LTBP1: variants seen among roughly 807,000 people sequenced by gnomAD.
LTBP1 encodes latent transforming growth factor beta binding protein 1, also known as latent-transforming growth factor beta-binding protein 1.
A neutral mutation model predicts 207.6 loss-of-function variants in LTBP1; 129 were observed. That is an observed-to-expected ratio of 0.62 (90% CI 0.54 to 0.72). LTBP1 has a LOEUF of 0.72. LTBP1 is among the 30% of genes least tolerant of loss of function. The probability of loss-of-function intolerance (pLI) is 0.00; values close to 1 mark genes in which losing one functional copy is unlikely to be tolerated. For missense variants in LTBP1, 2,281 were observed against 2,217.2 expected, an observed-to-expected ratio of 1.03 and a Z score of -0.58; for synonymous variants, 963 against 833.7, an observed-to-expected ratio of 1.16 and a Z score of -2.67.
At chr2:33,354,489 T>A (rs1424151952) in intron 26 of LTBP1, among the ~76,000 whole-genome samples, 2 of 152,022 alleles carry the variant, frequency 1.3e-5, no homozygotes, top group African/African-American at 2.4e-5. Flanking sequence ...AAAAAAAAAA[T>A]ATCTAGTCAA....
chr2:33,291,500 C>G (rs560026617), intron 19 of LTBP1: 169 of 152,282 alleles, frequency 1.1e-3, no homozygotes, highest in African/African-American at 3.8e-3. Context: ...TACTTTGGCT[C>G]CAATGCTTGG....
In LTBP1 at chr2:33,110,659, T is replaced by C. The variant is rs748194686; in HGVS notation, c.941T>C (p.Phe314Ser). Residue 314 changes from phenylalanine (F) to serine (S), a missense_variant, in exon 4 of 34, where the codon TTT becomes TCT. Physicochemically the swap from Phe to Ser is radical, Grantham distance 155. Transcript: ENST00000404816. Reference sequence around the variant, plus strand: ...GAATACGTGCTCAAGCCCAAGTACTTTCCAGCCCAGAAGGGGATTTCAGGA... The same window carrying C: ...GAATACGTGCTCAAGCCCAAGTACTCTCCAGCCCAGAAGGGGATTTCAGGA... ...TQEYVLKPKY[F>S]PAQKGISGEQ... is the part of the protein sequence containing the mutation. 1.2e-6 allele frequency: 2 copies of C among 1,614,224 alleles called. No homozygotes were observed. The highest frequency in any genetic ancestry group is 1.7e-6 in the Non-Finnish European group (2 of 1,180,028).
intron 3 of LTBP1, among the ~76,000 whole-genome samples, chr2:33,039,830 T>A (rs752321226): frequency 4.6e-5 from 7 of 151,982 alleles, no homozygotes; most frequent in Non-Finnish European, 1.0e-4. Flanking sequence ...TGATAATGGG[T>A]TCGGAAAGGC....
intron 24 of LTBP1, among the ~76,000 whole-genome samples, 186 bp downstream of exon 24, chr2:33,315,455 A>G (rs2094255171): frequency 6.6e-6 from 1 of 152,210 alleles, no homozygotes; most frequent in African/African-American, 2.4e-5. Context: ...CGAAGAGGAT[A>G]ACCTAAGGTT....
At chr2:33,281,550 T>TTTAGGTGTTTTAATGGGGGTTGC (rs1281356375) in intron 19 of LTBP1, among the ~76,000 whole-genome samples, 4 of 151,988 alleles carry the variant, frequency 2.6e-5, no homozygotes, top group African/African-American at 9.7e-5. Context: ...TGGGAAGACA[T>TTTAGGTGTTTTAATGGGGGTTGC]TTAGGTGTTT....
At chr2:33,313,803 A>AGGAACTC (rs2094221608) in intron 23 of LTBP1, among the ~76,000 whole-genome samples, 3 of 152,204 alleles carry the variant, frequency 2.0e-5, no homozygotes, top group Admixed American at 2.0e-4. Flanking sequence ...AATAGGAGTC[A>AGGAACTC]GGAACTCAGA....
chr2:33,009,336 T>C (rs1464564939), intron 2 of LTBP1, among the ~76,000 whole-genome samples: 1 of 152,168 alleles, frequency 6.6e-6, no homozygotes, highest in African/African-American at 2.4e-5. Flanking sequence ...TGCCCTTCCC[T>C]GATTCACGTG....
chr2:33,076,876 A>G (rs1011796331), intron 3 of LTBP1, among the ~76,000 whole-genome samples: 1 of 152,140 alleles, frequency 6.6e-6, no homozygotes, highest in African/African-American at 2.4e-5. Flanking sequence ...TCAACTTCCA[A>G]GAGTTCTGTG....
intron 3 of LTBP1, among the ~76,000 whole-genome samples, chr2:33,070,489 T>G (rs531996568): frequency 6.6e-6 from 1 of 152,344 alleles, no homozygotes; most frequent in African/African-American, 2.4e-5. Context: ...TTAAGTTTCT[T>G]AAGTAATGTC....
At chr2:32,956,008 A>G (rs1284130406) in intron 2 of LTBP1, among the ~76,000 whole-genome samples, 1 of 152,204 alleles carries the variant, frequency 6.6e-6, no homozygotes, top group African/African-American at 2.4e-5. Context: ...ACTATATTGT[A>G]GACTATTAAG....
chr2:32,957,224 T>G (rs912853911), intron 2 of LTBP1, among the ~76,000 whole-genome samples: 6 of 152,206 alleles, frequency 3.9e-5, no homozygotes, highest in African/African-American at 1.4e-4. Context: ...AATTGACTTC[T>G]CCTCAGTTTT....
In LTBP1 at chr2:33,150,857, T is replaced by G. The variant is rs183026462; in HGVS notation, c.1201+15897T>G. Among the ~76,000 whole-genome samples, 46 of 151,172 alleles carry G rather than the reference T, an allele frequency of 3.0e-4. 1 individual carries two copies. Among genetic ancestry groups the G allele is most frequent in the African/African-American group, 1.1e-3 (44 of 41,196 alleles). ...TTCAAACGATTCTCTTGCCTCAGCC[T>G]CCCAAGTAGCTGGGATTACAGGCGT... On this transcript the variant is annotated intron_variant, in intron 5 of 33. Coordinates refer to ENST00000404816, the MANE Select transcript of LTBP1 (RefSeq NM_206943.4).
intron 24 of LTBP1, among the ~76,000 whole-genome samples, chr2:33,330,230 C>T (rs1290693633): frequency 6.6e-6 from 1 of 151,994 alleles, no homozygotes; most frequent in East Asian, 1.9e-4. Flanking sequence ...TATCCATGAC[C>T]TTGCTAAATC....
At chr2:33,074,596 A>G (rs1005700171) in intron 3 of LTBP1, among the ~76,000 whole-genome samples, 5 of 152,168 alleles carry the variant, frequency 3.3e-5, no homozygotes, top group Non-Finnish European at 7.3e-5. Context: ...AGGGCTGGGC[A>G]CAGTGGCTCA....
intron 18 of LTBP1, among the ~76,000 whole-genome samples, chr2:33,277,829 CTT>C (rs199950784): frequency 0.02 from 1,703 of 84,896 alleles, 80 homozygotes; most frequent in African/African-American, 0.083. Flanking sequence ...TTCTTTCTTT[CTT>C]TTTTTTTTTT....
chr2:33,355,441 A>G (rs1476678394), intron 26 of LTBP1, among the ~76,000 whole-genome samples: 1 of 152,198 alleles, frequency 6.6e-6, no homozygotes, highest in Non-Finnish European at 1.5e-5. Context: ...CTCATAATAC[A>G]TAATACTATA....
intron 5 of LTBP1, among the ~76,000 whole-genome samples, chr2:33,146,133 G>C (rs879100931): frequency 6.6e-6 from 1 of 152,122 alleles, no homozygotes; most frequent in African/African-American, 2.4e-5. Flanking sequence ...CCTAAAAATC[G>C]GGTTGGGATG....
intron 24 of LTBP1, chr2:33,317,705 T>A (rs1056431049): frequency 1.3e-5 from 2 of 152,260 alleles, no homozygotes; most frequent in African/African-American, 4.8e-5. Flanking sequence ...GAGCTTCTGT[T>A]TGAGGAGCTG....
rs191066711 is a variant in LTBP1 at position 33,308,784 on chromosome 2, A to G, written c.3482-650A>G. Reference sequence around the variant, plus strand: ...AACATTTCTCTTGGGGACAAAGACCATGCTGAAAACTTTTAAATTTTTTTC... The same window carrying G: ...AACATTTCTCTTGGGGACAAAGACCGTGCTGAAAACTTTTAAATTTTTTTC... On this transcript the variant is annotated intron_variant, in intron 22 of 33. Coordinates refer to ENST00000404816, the MANE Select transcript of LTBP1 (RefSeq NM_206943.4). Among the ~76,000 whole-genome samples the G allele has an allele frequency of 9.5e-4, 144 of 152,328 alleles. 2 individuals carry two copies. In the East Asian group the frequency reaches 0.025, roughly 26 times the overall value.
Sources: allele counts gnomAD v4.1 joint callset (sites outside exome capture counted in the v4.1 genomes callset), GRCh38; gene constraint gnomAD v4.1.1; transcripts MANE v1.5; gene names NCBI Gene and HGNC (gene_info 2026-07-23, HGNC 2026-07-21).